The following JAZF1 variants were observed in gnomAD, a reference collection of about 807,000 sequenced individuals.
JAZF1 encodes the protein juxtaposed with another zinc finger protein 1.
A neutral mutation model predicts 26.4 loss-of-function variants in JAZF1; 8 were observed. That is an observed-to-expected ratio of 0.30 (90% confidence interval 0.18 to 0.55). JAZF1 has a LOEUF of 0.55. Ranked by LOEUF, JAZF1 falls within the 20% of genes least tolerant of loss-of-function variation. The pLI is 0.94. For synonymous variants in JAZF1, 126 were observed against 122.3 expected, an observed-to-expected ratio of 1.03 and a Z score of -0.20; for missense variants, 199 against 322.0, an observed-to-expected ratio of 0.62 and a Z score of 2.92.
intron 2 of JAZF1, among the ~76,000 whole-genome samples, chr7:27,976,202 C>T (rs1013087425): frequency 2.0e-5 from 3 of 152,036 alleles, no homozygotes; most frequent in Middle Eastern, 3.4e-3. Flanking sequence ...AAAAATTAGC[C>T]GGGCATGGTT....
At chr7:28,090,812 TA>T (rs1784282095) in intron 1 of JAZF1, among the ~76,000 whole-genome samples, 1 of 148,652 alleles carries the variant, frequency 6.7e-6, no homozygotes, top group African/African-American at 2.5e-5. Flanking sequence ...GACTTTTTTT[TA>T]GTTGTTTTTT....
chr7:27,978,405 G>A (rs1384020832), intron 2 of JAZF1, among the ~76,000 whole-genome samples: 3 of 152,236 alleles, frequency 2.0e-5, no homozygotes, highest in Non-Finnish European at 4.4e-5. Flanking sequence ...CAGGTTATGA[G>A]TAGTTGGGAA....
In JAZF1 at chr7:28,177,555, C is replaced by T. The variant is rs577572235; in HGVS notation, c.115+2908G>A. 4.2e-4 allele frequency among the ~76,000 whole-genome samples: 64 copies of T among 152,224 alleles called. No individual in the cohort carries two copies. The Middle Eastern group carries it at 0.01, about 24-fold the overall frequency. Reference sequence around the variant, plus strand: ...TTACTAGTGGCTAAAGGTAATAACCCAGATAGGCCCCCAAAATGGAATGCT... The same window carrying T: ...TTACTAGTGGCTAAAGGTAATAACCTAGATAGGCCCCCAAAATGGAATGCT... On this transcript the variant is annotated intron_variant, in intron 1 of 4. Coordinates refer to ENST00000283928, the MANE Select transcript of JAZF1 (RefSeq NM_175061.4).
intron 1 of JAZF1, among the ~76,000 whole-genome samples, chr7:28,156,178 G>C (rs1462959842): frequency 6.6e-6 from 1 of 152,186 alleles, no homozygotes; most frequent in East Asian, 1.9e-4. Flanking sequence ...CTTGTGAAAG[G>C]TTCTCTTGGC....
chr7:27,857,804 C>T (rs1276981211), intron 3 of JAZF1, among the ~76,000 whole-genome samples: 3 of 152,176 alleles, frequency 2.0e-5, no homozygotes, highest in Non-Finnish European at 4.4e-5. Flanking sequence ...TGGGCAAAAG[C>T]TGGAAGAATT....
intron 1 of JAZF1, among the ~76,000 whole-genome samples, chr7:28,108,145 T>C (rs776310029): frequency 6.6e-6 from 1 of 152,218 alleles, no homozygotes; most frequent in Non-Finnish European, 1.5e-5. Flanking sequence ...ATCTTTATTG[T>C]ACCCACTGAG....
At chr7:27,915,835 C>T (rs1784437097) in intron 2 of JAZF1, among the ~76,000 whole-genome samples, 1 of 152,138 alleles carries the variant, frequency 6.6e-6, no homozygotes, top group Non-Finnish European at 1.5e-5. Context: ...AAATTTGAAA[C>T]ATGATGGACC....
intron 1 of JAZF1, among the ~76,000 whole-genome samples, chr7:28,148,359 CCG>C (rs1249636839): frequency 1.1e-4 from 16 of 152,184 alleles, no homozygotes; most frequent in African/African-American, 3.9e-4. Flanking sequence ...GCGTGAGCCA[CCG>C]CGCCTGGCCC....
chr7:27,870,281 A>G (rs932777292), intron 3 of JAZF1, among the ~76,000 whole-genome samples: 1 of 151,848 alleles, frequency 6.6e-6, no homozygotes, highest in Non-Finnish European at 1.5e-5. Context: ...TGGAGGAGGT[A>G]CTGGTCCTGC....
chr7:27,964,383 A>G (rs1022351286), intron 2 of JAZF1, among the ~76,000 whole-genome samples: 13 of 152,154 alleles, frequency 8.5e-5, no homozygotes, highest in African/African-American at 3.1e-4. Context: ...ACTCTATCTT[A>G]TGGAATATTA....
chr7:27,874,332 A>C (rs899503023), intron 3 of JAZF1, among the ~76,000 whole-genome samples: 1 of 152,222 alleles, frequency 6.6e-6, no homozygotes, highest in African/African-American at 2.4e-5. Flanking sequence ...CTGGAAAATA[A>C]GTCTGGACAG....
intron 2 of JAZF1, among the ~76,000 whole-genome samples, chr7:27,958,250 T>C (rs1169931506): frequency 2.0e-5 from 3 of 152,372 alleles, no homozygotes; most frequent in African/African-American, 7.2e-5. Flanking sequence ...TCAGGGTGGC[T>C]CTACAAGAAA....
intron 2 of JAZF1, among the ~76,000 whole-genome samples, chr7:27,974,113 C>G (rs1785426677): frequency 6.6e-6 from 1 of 152,036 alleles, no homozygotes; most frequent in Non-Finnish European, 1.5e-5. Context: ...AGAGGAGGCA[C>G]TCTGGAGAAG....
At chr7:27,889,932 C>CA (rs5883106) in intron 3 of JAZF1, among the ~76,000 whole-genome samples, 10,581 of 144,996 alleles carry the variant, frequency 0.073, 461 homozygotes, top group South Asian at 0.12. Context: ...GACTTTCTCT[C>CA]AAAAAAAAAA....
chr7:27,914,099 C>T (rs1011453658), intron 2 of JAZF1, among the ~76,000 whole-genome samples: 5 of 152,144 alleles, frequency 3.3e-5, no homozygotes, highest in East Asian at 3.9e-4. Flanking sequence ...GCAGGAGAAA[C>T]AAAATGTGGA....
At chr7:27,952,765 C>A (rs1315140015) in intron 2 of JAZF1, among the ~76,000 whole-genome samples, 1 of 152,148 alleles carries the variant, frequency 6.6e-6, no homozygotes, top group Non-Finnish European at 1.5e-5. Context: ...TTGTTATGCA[C>A]AGAAATGCAC....
chr7:27,867,159 A>G (rs536531955), intron 3 of JAZF1, among the ~76,000 whole-genome samples: 2 of 152,298 alleles, frequency 1.3e-5, no homozygotes, highest in South Asian at 2.1e-4. Context: ...CAGGGTGGAT[A>G]TTTTTATGCC....
intron 2 of JAZF1, among the ~76,000 whole-genome samples, chr7:27,957,083 C>T (rs79335524): frequency 0.018 from 2,711 of 152,292 alleles, 94 homozygotes; most frequent in African/African-American, 0.062. Flanking sequence ...CTCCCTTCCC[C>T]CAGTGGCAAA....
chr7:27,915,118 T>C (rs1006398353), intron 2 of JAZF1, among the ~76,000 whole-genome samples: 1 of 152,200 alleles, frequency 6.6e-6, no homozygotes, highest in East Asian at 1.9e-4. Flanking sequence ...TCTGCTAGAC[T>C]CCCTTCTTTA....
Sources: gnomAD v4.1 joint callset for allele counts (sites outside exome capture counted in the v4.1 genomes callset) on GRCh38, gnomAD v4.1.1 for gene constraint, MANE v1.5 for transcripts, NCBI Gene and HGNC (gene_info 2026-07-23, HGNC 2026-07-21) for gene names.